MECOM: variants seen among roughly 807,000 people sequenced by gnomAD.
MECOM encodes MDS1 and EVI1 complex locus.
In MECOM, 13 loss-of-function variants were observed where a neutral mutation model predicts 116.3. The ratio of observed to expected loss-of-function variants is 0.11; its 90% CI spans 0.07 to 0.18. The LOEUF (loss-of-function observed/expected upper bound fraction) is 0.18, where lower values mean the gene tolerates loss of function less well. MECOM is among the 10% of genes least tolerant of loss of function. The pLI is 1.00. For synonymous variants in MECOM, 528 were observed against 535.2 expected (o/e 0.99, Z 0.19); for missense variants, 1,299 against 1,509.0 (o/e 0.86, Z 2.31).
At chr3:169,140,456 G>T (rs1031030291) in intron 3 of MECOM, among the ~76,000 whole-genome samples, 3 of 151,990 alleles carry the variant, frequency 2.0e-5, no homozygotes, top group African/African-American at 7.2e-5. Context: ...AATTACTGTA[G>T]TTAATACATT....
intron 2 of MECOM, among the ~76,000 whole-genome samples, chr3:169,282,527 T>G (rs1220141717): frequency 6.6e-6 from 1 of 152,222 alleles, no homozygotes; most frequent in Non-Finnish European, 1.5e-5. Flanking sequence ...ACCACTTTTA[T>G]TTAGCAGCTG....
Position 169,155,343 on chromosome 3 carries a change from TG to T in MECOM, c.376-11512del, listed in dbSNP as rs375646255. Among the ~76,000 whole-genome samples the T allele has an allele frequency of 1.1e-4, 16 of 152,270 alleles. No individual in the cohort carries two copies. In the East Asian group the frequency reaches 2.1e-3, roughly 20 times the overall value. On this transcript the variant is annotated intron_variant, in intron 2 of 16. Transcript: ENST00000651503. ...TTCTTTACCATCTCTCTCCTTTCTC[TG>T]GGCACAAATCCTGGACAGTATCTTG...
chr3:169,659,602 G>T (rs942582669), intron 1 of MECOM, among the ~76,000 whole-genome samples: 1 of 151,962 alleles, frequency 6.6e-6, no homozygotes, highest in Admixed American at 6.6e-5. Context: ...CTCGGCCTCC[G>T]TTGGGAGAAG....
intron 2 of MECOM, among the ~76,000 whole-genome samples, chr3:169,265,799 T>C (rs940449249): frequency 7.9e-5 from 12 of 152,236 alleles, no homozygotes; most frequent in Non-Finnish European, 1.6e-4. Flanking sequence ...TCTAATTCTC[T>C]ATAATCCTTT....
chr3:169,354,977 G>A (rs1727011624), intron 2 of MECOM, among the ~76,000 whole-genome samples: 2 of 151,756 alleles, frequency 1.3e-5, no homozygotes, highest in African/African-American at 4.8e-5. Context: ...CTATTTTATT[G>A]ACACAATGAA....
intron 2 of MECOM, among the ~76,000 whole-genome samples, chr3:169,238,992 C>T (rs1270711361): frequency 6.6e-6 from 1 of 151,908 alleles, no homozygotes; most frequent in Non-Finnish European, 1.5e-5. Context: ...TAATGAGAAT[C>T]GATAATAATA....
intron 7 of MECOM, 168 bp downstream of exon 7, chr3:169,120,888 T>C (rs927407405): frequency 3.5e-6 from 2 of 579,592 alleles, no homozygotes; most frequent in Non-Finnish European, 5.3e-6. Flanking sequence ...ATACCATGGA[T>C]CTGATTATAA....
chr3:169,596,484 CA>C (rs2109694242), intron 1 of MECOM, among the ~76,000 whole-genome samples: 1 of 152,256 alleles, frequency 6.6e-6, no homozygotes, highest in South Asian at 2.1e-4. Context: ...CTGTTTTCAG[CA>C]GAATTCATAA....
chr3:169,569,102 A>G (rs1248628193), intron 1 of MECOM, among the ~76,000 whole-genome samples: 8 of 152,254 alleles, frequency 5.3e-5, no homozygotes, highest in Admixed American at 4.6e-4. Context: ...GACCCATCTC[A>G]TGTTCAAAGA....
intron 1 of MECOM, among the ~76,000 whole-genome samples, chr3:169,431,208 C>T (rs532039755): frequency 1.3e-5 from 2 of 152,140 alleles, no homozygotes; most frequent in Non-Finnish European, 2.9e-5. Context: ...TAGACAAACC[C>T]AAAGTCATTA....
At chr3:169,361,378 G>C (rs569618854) in intron 2 of MECOM, among the ~76,000 whole-genome samples, 1 of 151,840 alleles carries the variant, frequency 6.6e-6, no homozygotes, top group South Asian at 2.1e-4. Flanking sequence ...AGGTGTGGTG[G>C]CTCTGCCAAC....
rs1423657442 is a variant in MECOM at position 169,381,186 on chromosome 3, C to T, written c.375+1G>A. ...TGTGTTAACTCAAAATACATTCTTA[C>T]CTCCCATCCATAACTGGGGTCTTTC... On this transcript the variant is annotated splice_donor_variant, in intron 2 of 16. Coordinates refer to ENST00000651503, the MANE Select transcript of MECOM (RefSeq NM_004991.4). LOFTEE classifies it high-confidence loss of function. The T allele has an allele frequency of 6.3e-7, 1 of 1,597,790 alleles. No homozygotes were observed. The highest frequency in any genetic ancestry group is 2.2e-5 in the East Asian group (1 of 44,520).
At chr3:169,219,065 C>T (rs62293304) in intron 2 of MECOM, among the ~76,000 whole-genome samples, 48,275 of 151,952 alleles carry the variant, frequency 0.32, 8,981 homozygotes, top group Middle Eastern at 0.54. Context: ...TAAAATTCAG[C>T]ACATTATCCT....
At chr3:169,320,399 G>T (rs1720638630) in intron 2 of MECOM, among the ~76,000 whole-genome samples, 1 of 152,166 alleles carries the variant, frequency 6.6e-6, no homozygotes, top group Non-Finnish European at 1.5e-5. Flanking sequence ...CAGAGAGAAA[G>T]AAAAATTGAT....
chr3:169,258,534 C>T (rs367978007), intron 2 of MECOM, among the ~76,000 whole-genome samples: 1 of 152,208 alleles, frequency 6.6e-6, no homozygotes, highest in Non-Finnish European at 1.5e-5. Flanking sequence ...GGAGTAACCA[C>T]TCCTGCTCTA....
chr3:169,485,994 T>C (rs1168036482), intron 1 of MECOM, among the ~76,000 whole-genome samples: 6 of 90,088 alleles, frequency 6.7e-5, no homozygotes, highest in South Asian at 3.7e-4. Context: ...AGTATATATA[T>C]GTATATATAT....
At chr3:169,413,803 C>A (rs1452105129) in intron 1 of MECOM, among the ~76,000 whole-genome samples, 1 of 152,202 alleles carries the variant, frequency 6.6e-6, no homozygotes, top group Non-Finnish European at 1.5e-5. Context: ...CACCTCAGTG[C>A]AGCAAGGCCA....
chr3:169,235,144 T>C (rs942503673), intron 2 of MECOM, among the ~76,000 whole-genome samples: 3 of 152,234 alleles, frequency 2.0e-5, no homozygotes, highest in Non-Finnish European at 4.4e-5. Flanking sequence ...TAAACTCTTA[T>C]TGACTTGCCA....
At chr3:169,291,219 C>G (rs1479239726) in intron 2 of MECOM, among the ~76,000 whole-genome samples, 1 of 152,110 alleles carries the variant, frequency 6.6e-6, no homozygotes, top group African/African-American at 2.4e-5. Context: ...ATAAATCACC[C>G]TTTATCCTTC....
Sources: allele counts gnomAD v4.1 joint callset (sites outside exome capture counted in the v4.1 genomes callset), GRCh38; gene constraint gnomAD v4.1.1; transcripts MANE v1.5; gene names NCBI Gene and HGNC (gene_info 2026-07-23, HGNC 2026-07-21).